KDM4C: variants seen among roughly 807,000 people sequenced by gnomAD.
KDM4C encodes the protein lysine demethylase 4C.
KDM4C carries 81 observed loss-of-function variants against 129.3 expected under a neutral mutation model. That is an observed-to-expected ratio of 0.63 (90% confidence interval 0.52 to 0.75). The LOEUF is 0.75. Ranked by LOEUF, KDM4C falls within the 30% of genes least tolerant of loss-of-function variation. KDM4C has a pLI of 0.00. For synonymous variants in KDM4C, 573 were observed against 456.1 expected (o/e 1.26, Z -3.26); for missense variants, 1,457 against 1,304.0 (o/e 1.12, Z -1.81).
chr9:6,871,365 C>T (rs772130932), intron 5 of KDM4C, among the ~76,000 whole-genome samples: 45 of 152,048 alleles, frequency 3.0e-4, no homozygotes, highest in Admixed American at 5.9e-4. Flanking sequence ...AGTAAATCAC[C>T]TGAAGATATG....
chr9:7,138,476 A>G (rs1013965440), intron 19 of KDM4C, among the ~76,000 whole-genome samples: 1 of 152,110 alleles, frequency 6.6e-6, no homozygotes, highest in African/African-American at 2.4e-5. Context: ...ATCAAAGTAG[A>G]TTTTTCCACG....
chr9:6,897,909 A>G (rs906790018), intron 8 of KDM4C, among the ~76,000 whole-genome samples: 7 of 152,144 alleles, frequency 4.6e-5, no homozygotes, highest in African/African-American at 1.4e-4. Flanking sequence ...ACATTTGTGC[A>G]TATTTGAGCT....
intron 8 of KDM4C, among the ~76,000 whole-genome samples, chr9:6,928,162 C>G (rs1020008155): frequency 6.6e-6 from 1 of 152,170 alleles, no homozygotes; most frequent in Non-Finnish European, 1.5e-5. Context: ...TGTTACTCAA[C>G]CCCTCACCCT....
At chr9:6,964,693 A>G (rs1830600197) in intron 8 of KDM4C, among the ~76,000 whole-genome samples, 1 of 149,066 alleles carries the variant, frequency 6.7e-6, no homozygotes, top group Non-Finnish European at 1.5e-5. Flanking sequence ...GAGGCAGGAG[A>G]ATGGCGTGAA....
rs1450257213 is a variant in KDM4C at position 7,175,541 on chromosome 9, T to C, written c.*812T>C. 6.5e-6 allele frequency: 1 copy of C among 152,678 alleles called. No individual in the cohort carries two copies. The highest frequency in any genetic ancestry group is 1.5e-5 in the Non-Finnish European group (1 of 68,046). 9.5% of individuals were successfully genotyped at this position (152,678 alleles called of 1,614,324 possible). A position where few individuals can be genotyped will look rare whatever the true frequency, so the allele number is the denominator to read the frequency against. ...TGTGTTTGTAAAATTAGAGTTTAAA[T>C]AAATATGCTTTGATGCATAGTTTTG... On this transcript the variant is annotated 3_prime_UTR_variant, in exon 22 of 22. Transcript: ENST00000381309.
intron 18 of KDM4C, among the ~76,000 whole-genome samples, chr9:7,113,441 C>T (rs977024841): frequency 2.0e-5 from 3 of 152,082 alleles, no homozygotes; most frequent in African/African-American, 7.2e-5. Flanking sequence ...TAAATATATC[C>T]CATTAAACAT....
At chr9:6,893,339 C>T (rs1455191210) in intron 8 of KDM4C, 107 bp downstream of exon 8, 2 of 818,614 alleles carry the variant, frequency 2.4e-6, no homozygotes, top group African/African-American at 1.8e-5. Context: ...CTCACTGGCG[C>T]CATGTGCCTC....
chr9:6,759,033 C>T (rs781097843), intron 1 of KDM4C, among the ~76,000 whole-genome samples: 1 of 148,124 alleles, frequency 6.8e-6, no homozygotes, highest in Non-Finnish European at 1.5e-5. Context: ...CTGGCTGGCT[C>T]TGATTGTGGG....
chr9:6,879,024 G>T (rs913423678), intron 5 of KDM4C, among the ~76,000 whole-genome samples: 1 of 152,162 alleles, frequency 6.6e-6, no homozygotes, highest in African/African-American at 2.4e-5. Context: ...GAATTGCATA[G>T]TTATATTGGA....
chr9:7,087,451 A>G (rs1168948481), intron 17 of KDM4C, among the ~76,000 whole-genome samples: 3 of 152,198 alleles, frequency 2.0e-5, no homozygotes, highest in African/African-American at 7.2e-5. Context: ...GTACATGTGT[A>G]GCTTTGATCA....
chr9:7,085,594 G>A (rs1835018788), intron 17 of KDM4C, among the ~76,000 whole-genome samples: 1 of 152,122 alleles, frequency 6.6e-6, no homozygotes, highest in African/African-American at 2.4e-5. Context: ...TGAAACCTGT[G>A]AGAGGAAGGC....
intron 1 of KDM4C, among the ~76,000 whole-genome samples, chr9:6,722,400 G>C (rs1030605555): frequency 2.6e-5 from 4 of 152,130 alleles, no homozygotes; most frequent in African/African-American, 9.7e-5. Flanking sequence ...TTTGGAGGCT[G>C]GGCTTGGTGG....
chr9:6,890,029 A>G (rs893684361), intron 7 of KDM4C, among the ~76,000 whole-genome samples: 12 of 152,204 alleles, frequency 7.9e-5, no homozygotes, highest in Non-Finnish European at 1.3e-4. Flanking sequence ...ATGGTGAAAC[A>G]CCAGTGACTT....
At chr9:6,757,666 G>A (rs1818455888), upstream of KDM4C, 10 of 985,396 alleles carry the variant, frequency 1.0e-5, no homozygotes, top group South Asian at 4.7e-5. Flanking sequence ...CGGCGCCCAG[G>A]AGGACGTGTG....
At chr9:6,881,355 T>C (rs1588903227) in intron 6 of KDM4C, among the ~76,000 whole-genome samples, 4 of 152,322 alleles carry the variant, frequency 2.6e-5, no homozygotes, top group Admixed American at 2.6e-4. Flanking sequence ...TTGATGTAAT[T>C]GTAATCTTGA....
intron 8 of KDM4C, among the ~76,000 whole-genome samples, chr9:6,940,878 A>G (rs1825814298): frequency 6.8e-6 from 1 of 146,002 alleles, no homozygotes; most frequent in African/African-American, 2.5e-5. Context: ...TCTATAAGAA[A>G]CTTAAATTTA....
At chr9:7,125,109 T>C (rs60462008) in intron 18 of KDM4C, among the ~76,000 whole-genome samples, 6,297 of 152,118 alleles carry the variant, frequency 0.041, 421 homozygotes, top group East Asian at 0.27. Context: ...ATAAGAACTG[T>C]TCTCCCCCAC....
At chr9:6,897,282 T>C (rs1223244515) in intron 8 of KDM4C, among the ~76,000 whole-genome samples, 1 of 152,238 alleles carries the variant, frequency 6.6e-6, no homozygotes, top group Admixed American at 6.5e-5. Context: ...ATTTACCTTT[T>C]AGTTTTGGTA....
rs528295388 is a variant in KDM4C at position 7,159,739 on chromosome 9, A to G, written c.2782-5499A>G. ...TGGGCTTCCCTTTGTGGGTAACCCT[A>G]TCTTTCTCTTGGCTGCCCTTAACAC... is the stretch of plus-strand genomic sequence containing the variant. On this transcript the variant is annotated intron_variant, in intron 19 of 21. Transcript: ENST00000381309. Among the ~76,000 whole-genome samples, 11 of 152,274 alleles carry G rather than the reference A, an allele frequency of 7.2e-5. No homozygotes were observed. In the South Asian group the frequency reaches 1.7e-3, roughly 23 times the overall value.
Sources: allele counts gnomAD v4.1 joint callset (sites outside exome capture counted in the v4.1 genomes callset), GRCh38; gene constraint gnomAD v4.1.1; transcripts MANE v1.5; gene names NCBI Gene and HGNC (gene_info 2026-07-23, HGNC 2026-07-21).